Variants in WWC1 observed in about 807,000 individuals in gnomAD.
The protein encoded by WWC1 is WW and C2 domain containing 1.
In WWC1, 55 loss-of-function variants were observed where a neutral mutation model predicts 138.4. The ratio of observed to expected loss-of-function variants is 0.40; its 90% CI spans 0.32 to 0.50. The LOEUF (loss-of-function observed/expected upper bound fraction) is 0.50, where lower values mean the gene tolerates loss of function less well. WWC1 is among the 20% of genes least tolerant of loss of function. The pLI is 0.72. For synonymous variants in WWC1, 524 were observed against 564.9 expected (o/e 0.93, Z 1.03); for missense variants, 1,226 against 1,420.4 (o/e 0.86, Z 2.20).
chr5:168,429,773 A>C (rs1054980409), intron 13 of WWC1, among the ~76,000 whole-genome samples: 4 of 151,932 alleles, frequency 2.6e-5, no homozygotes, highest in Admixed American at 2.6e-4. Flanking sequence ...ATCTCTACTA[A>C]AAATACACAA....
chr5:168,412,269 A>G (rs1219892393), intron 8 of WWC1: 13 of 883,092 alleles, frequency 1.5e-5, no homozygotes, highest in Non-Finnish European at 1.6e-5. Context: ...TTTTAGTGTA[A>G]AGGACAGAGC....
chr5:168,322,551 G>A (rs1772203457), intron 1 of WWC1, among the ~76,000 whole-genome samples: 1 of 152,192 alleles, frequency 6.6e-6, no homozygotes, highest in African/African-American at 2.4e-5. Context: ...CATTTATCTT[G>A]TAAACTGCTT....
intron 1 of WWC1, among the ~76,000 whole-genome samples, chr5:168,305,684 A>C: frequency 6.6e-6 from 1 of 152,008 alleles, no homozygotes; most frequent in East Asian, 1.9e-4. Flanking sequence ...CTACAAGGAG[A>C]TGAGGAGGTG....
intron 15 of WWC1, among the ~76,000 whole-genome samples, chr5:168,439,470 C>CA (rs34911162): frequency 8.1e-4 from 111 of 137,224 alleles, no homozygotes; most frequent in Middle Eastern, 3.8e-3. Context: ...ACTAAAAATA[C>CA]AAAAAAAAAA....
chr5:168,390,457 A>T (rs964023657), intron 3 of WWC1, among the ~76,000 whole-genome samples: 5 of 152,150 alleles, frequency 3.3e-5, no homozygotes, highest in African/African-American at 1.2e-4. Flanking sequence ...CACCATTTTC[A>T]TTGTTAAATA....
chr5:168,435,857 T>A (rs1486024726), intron 15 of WWC1, among the ~76,000 whole-genome samples: 1 of 152,102 alleles, frequency 6.6e-6, no homozygotes, highest in African/African-American at 2.4e-5. Context: ...TTTTCTTTTT[T>A]TTTATTTTTG....
chr5:168,302,767 T>C (rs1047986471), intron 1 of WWC1, among the ~76,000 whole-genome samples: 4 of 152,212 alleles, frequency 2.6e-5, no homozygotes, highest in Non-Finnish European at 5.9e-5. Flanking sequence ...GTTCAGTCAT[T>C]TAACAAATAT....
At chr5:168,450,949 A>G (rs1755748640) in intron 17 of WWC1, among the ~76,000 whole-genome samples, 1 of 152,222 alleles carries the variant, frequency 6.6e-6, no homozygotes, top group African/African-American at 2.4e-5. Context: ...CAAAGGATTC[A>G]TAGCGCAAAT....
chr5:168,341,572 A>G (rs894298792), intron 1 of WWC1, among the ~76,000 whole-genome samples: 10 of 152,140 alleles, frequency 6.6e-5, no homozygotes, highest in Non-Finnish European at 1.0e-4. Flanking sequence ...TTCAACATCA[A>G]AAGGCTGCTA....
rs3733982 is a variant in WWC1 at position 168,428,563 on chromosome 5, T to G, written c.1920-144T>G. The G allele has an allele frequency of 1.4e-5, 9 of 632,328 alleles. No individual in the cohort carries two copies. The East Asian group carries it at 2.7e-4, about 19-fold the overall frequency. The allele number at this position is 632,328 out of a possible 1,614,324, so 39.2% of individuals were successfully genotyped here. On this transcript the variant is annotated intron_variant, in intron 12 of 22. Coordinates refer to ENST00000265293, the MANE Select transcript of WWC1 (RefSeq NM_015238.3). ...AGTGAGCCCCCATCTCTAAAAAAAA[T>G]TTTTTTTAATTAAAATTTAAAAAAG...
intron 17 of WWC1, among the ~76,000 whole-genome samples, chr5:168,448,868 C>T (rs1755535379): frequency 6.6e-6 from 1 of 152,084 alleles, no homozygotes; most frequent in African/African-American, 2.4e-5. Context: ...ATCTGCCCAC[C>T]TCCACCTCCC....
intron 18 of WWC1, among the ~76,000 whole-genome samples, chr5:168,454,637 C>T (rs1756139653): frequency 6.6e-6 from 1 of 152,212 alleles, no homozygotes; most frequent in African/African-American, 2.4e-5. Flanking sequence ...AGCTAGAGCA[C>T]CTGCCGTGTT....
chr5:168,297,353 G>A (rs909318172), intron 1 of WWC1, among the ~76,000 whole-genome samples: 1 of 152,160 alleles, frequency 6.6e-6, no homozygotes, highest in African/African-American at 2.4e-5. Flanking sequence ...CCAGCCTGGT[G>A]CGGTGGCTCA....
intron 5 of WWC1, among the ~76,000 whole-genome samples, chr5:168,404,975 G>A (rs1482032369): frequency 1.3e-5 from 2 of 151,474 alleles, no homozygotes; most frequent in Non-Finnish European, 2.9e-5. Flanking sequence ...CAGACTAGAA[G>A]CGTTTTAATC....
chr5:168,467,991 C>G (rs368091155), intron 22 of WWC1, 27 bp downstream of exon 22: 7 of 1,613,016 alleles, frequency 4.3e-6, no homozygotes, highest in East Asian at 4.5e-5. Flanking sequence ...GGCAGCCCCC[C>G]ATCCCTTTCT....
At chr5:168,295,519 T>TGTGTGTGTGTGTGTGTGTG (rs70976473) in intron 1 of WWC1, among the ~76,000 whole-genome samples, 1 of 151,580 alleles carries the variant, frequency 6.6e-6, no homozygotes, top group African/African-American at 2.4e-5. Flanking sequence ...TGTGTGTGTG[T>TGTGTGTGTGTGTGTGTGTG]TTATTTGCCT....
intron 1 of WWC1, among the ~76,000 whole-genome samples, chr5:168,354,737 G>A (rs1775260372): frequency 1.3e-5 from 2 of 152,132 alleles, no homozygotes; most frequent in South Asian, 2.1e-4. Context: ...CCCAGGGAGG[G>A]TTCTCAGGGC....
intron 19 of WWC1, among the ~76,000 whole-genome samples, chr5:168,456,241 CT>C (rs1406896040): frequency 6.6e-6 from 1 of 152,072 alleles, no homozygotes; most frequent in Non-Finnish European, 1.5e-5. Flanking sequence ...GAGTCCAACG[CT>C]GCAGTGAGCC....
At chr5:168,403,081 T>TCTC (rs58318789) in intron 5 of WWC1, among the ~76,000 whole-genome samples, 3 of 140,100 alleles carry the variant, frequency 2.1e-5, no homozygotes, top group Non-Finnish European at 4.7e-5. Flanking sequence ...TTTCTTTCTT[T>TCTC]TCTTTCTTTT....
Sources: allele counts gnomAD v4.1 joint callset (sites outside exome capture counted in the v4.1 genomes callset), GRCh38; gene constraint gnomAD v4.1.1; transcripts MANE v1.5; gene names NCBI Gene and HGNC (gene_info 2026-07-23, HGNC 2026-07-21).